Variants in SPATA7 observed in about 807,000 individuals in gnomAD.
The protein encoded by SPATA7 is spermatogenesis associated 7, also known as spermatogenesis-associated protein 7.
Under a neutral mutation model 51.8 loss-of-function variants are expected in SPATA7, and 43 were observed. The observed-to-expected ratio is 0.83, with a 90% CI of 0.65 to 1.07. The LOEUF (loss-of-function observed/expected upper bound fraction) is 1.07, where lower values mean the gene tolerates loss of function less well. Ranked by LOEUF, SPATA7 falls within the 50% of genes least tolerant of loss-of-function variation. The pLI, the probability that SPATA7 is intolerant of heterozygous loss-of-function variation, is 0.00. For synonymous variants in SPATA7, 230 were observed against 252.8 expected (o/e 0.91, Z 0.86); for missense variants, 683 against 701.3 (o/e 0.97, Z 0.30).
chr14:88,388,439 G>C (rs916935858), intron 1 of SPATA7, among the ~76,000 whole-genome samples: 1 of 152,198 alleles, frequency 6.6e-6, no homozygotes, highest in Non-Finnish European at 1.5e-5. Flanking sequence ...CTAATAGTTA[G>C]AGAATGATGT....
In SPATA7 at chr14:88,396,094, A is replaced by T. The variant is rs2075871862; in HGVS notation, c.191-62A>T. 18 of 1,340,026 alleles carry T rather than the reference A, an allele frequency of 1.3e-5. No individual in the cohort carries two copies. In the South Asian group the frequency reaches 2.0e-4, roughly 15 times the overall value. 83.0% of individuals were successfully genotyped at this position (1,340,026 alleles called of 1,614,324 possible). ...GTCTGGAACATTTTGTGATTTCCAC[A>T]TTTGGTATTTGTCATTTATAAATAC... On this transcript the variant is annotated intron_variant, in intron 3 of 11. Coordinates refer to ENST00000393545, the MANE Select transcript of SPATA7 (RefSeq NM_018418.5).
chr14:88,456,064 T>G (rs552725814), downstream of SPATA7, among the ~76,000 whole-genome samples: 636 of 152,288 alleles, frequency 4.2e-3, 1 homozygote, highest in Middle Eastern at 6.8e-3. Flanking sequence ...CTCATCATTT[T>G]TTATGGCTGC....
At chr14:88,418,656 G>A (rs548704136) in intron 5 of SPATA7, among the ~76,000 whole-genome samples, 117 of 151,854 alleles carry the variant, frequency 7.7e-4, no homozygotes, top group Non-Finnish European at 1.3e-3. Flanking sequence ...TGTGTTTTTA[G>A]TAGAGTCTAG....
rs1431289762 is a variant in SPATA7, at chr14:88,438,307, C to G, written c.1685C>G (p.Ser562Ter). ...AATGGATTATGTGGTCTTAACACAT[C>G]ACCCTCCCAATCTGTTCAGTTCTCC... is the stretch of plus-strand genomic sequence containing the variant. ...ISNGLCGLNTSPSQSVQFSSV... is the reference protein window; with the variant it reads ...ISNGLCGLNT Residue 562 changes from serine (S) to a stop codon, truncating the protein, a stop_gained, in exon 12 of 12, where the codon TCA becomes TGA. Transcript: ENST00000393545. LOFTEE classifies it low-confidence loss of function (END_TRUNC). The G allele has an allele frequency of 6.2e-7, 1 of 1,613,816 alleles. No homozygotes were observed. Among genetic ancestry groups the G allele is most frequent in the Admixed American group, 1.7e-5 (1 of 60,018 alleles).
chr14:88,420,036 T>C (rs1176421576), intron 5 of SPATA7, among the ~76,000 whole-genome samples: 1 of 152,002 alleles, frequency 6.6e-6, no homozygotes, highest in East Asian at 1.9e-4. Flanking sequence ...GTGGCAAAAG[T>C]GAAGGGATAT....
At chr14:88,457,882 T>C (rs1332913350), downstream of SPATA7, among the ~76,000 whole-genome samples, 1 of 152,146 alleles carries the variant, frequency 6.6e-6, no homozygotes, top group Non-Finnish European at 1.5e-5. Flanking sequence ...ATAGCTCTTA[T>C]TATTTTGAGA....
intron 8 of SPATA7, among the ~76,000 whole-genome samples, chr14:88,430,097 A>G (rs1284447245): frequency 1.3e-5 from 2 of 152,036 alleles, no homozygotes; most frequent in African/African-American, 4.8e-5. Context: ...TCAGTTGTCA[A>G]ATGTATTTCC....
chr14:88,443,174 A>T (rs1163129688), downstream of SPATA7, among the ~76,000 whole-genome samples: 2 of 151,844 alleles, frequency 1.3e-5, no homozygotes, highest in African/African-American at 4.8e-5. Flanking sequence ...TGAACTCCTG[A>T]CCTCGTGGTC....
rs377274479 is a variant in SPATA7 at position 88,470,098 on chromosome 14, A to T, written c.*231A>T. 2.5e-6 allele frequency: 4 copies of T among 1,574,116 alleles called. No individual in the cohort carries two copies. In the African/African-American group the frequency reaches 4.1e-5, roughly 16 times the overall value. On this transcript the variant is annotated 3_prime_UTR_variant, in exon 5 of 5. Transcript: ENST00000556406. ...AAATTGATGTGTGGGTATAATATAC[A>T]TAGGTATGTATGCATGCATTCATGG...
Position 88,469,684 on chromosome 14 carries a change from C to T in SPATA7, c.255-163C>T. 6.2e-7 allele frequency: 1 copy of T among 1,614,206 alleles called. No homozygotes were observed. Among genetic ancestry groups the T allele is most frequent in the Non-Finnish European group, 8.5e-7 (1 of 1,180,044 alleles). ...CCTTCCATAGGTGACAGTGTTGTGC[C>T]TGGAACCAAGTCGTGGCCAGTACCT... On this transcript the variant is annotated intron_variant, in intron 4 of 4. Coordinates refer to the SPATA7 transcript ENST00000556406. The surrounding 1 kb of genome is among the most constrained non-coding windows in gnomAD (Gnocchi z 4.3).
In SPATA7 at chr14:88,468,300, T is replaced by TC. The variant is rs771074414; in HGVS notation, c.255-1547_255-1546insC. 7 of 1,558,670 alleles carry TC rather than the reference T, an allele frequency of 4.5e-6. No individual in the cohort carries two copies. The South Asian group carries it at 8.3e-5, about 18-fold the overall frequency. ...GAGAAACGGTAATGAAGATAATGTG[T>TC]TCCCCTGGGGAGACAGAAAGGATGG... On this transcript the variant is annotated intron_variant, in intron 4 of 4. Coordinates refer to the SPATA7 transcript ENST00000556406.
chr14:88,427,997 G>A (rs2076842017), intron 7 of SPATA7: 1 of 234,948 alleles, frequency 4.3e-6, no homozygotes, highest in Admixed American at 5.1e-5. Context: ...TGTTTTCAAA[G>A]ATGCAGACCT....
intron 5 of SPATA7, among the ~76,000 whole-genome samples, chr14:88,422,125 A>G (rs2076663360): frequency 6.6e-6 from 1 of 152,106 alleles, no homozygotes; most frequent in African/African-American, 2.4e-5. Flanking sequence ...GCTGGAGGTA[A>G]TAAGAGATAG....
chr14:88,439,929 G>T (rs1027673522), downstream of SPATA7, among the ~76,000 whole-genome samples: 1 of 152,004 alleles, frequency 6.6e-6, no homozygotes, highest in Non-Finnish European at 1.5e-5. Context: ...CTTTAACCCT[G>T]TAAGCAACAC....
intron 5 of SPATA7, among the ~76,000 whole-genome samples, chr14:88,422,425 T>C (rs1444168928): frequency 6.6e-6 from 1 of 152,130 alleles, no homozygotes. Flanking sequence ...TGTATTTTCA[T>C]TTTTAGTGAT....
chr14:88,446,977 A>T (rs1191306744), intron 3 of SPATA7, among the ~76,000 whole-genome samples: 2 of 152,028 alleles, frequency 1.3e-5, no homozygotes, highest in East Asian at 3.9e-4. Flanking sequence ...TGGGGTGAAG[A>T]GTTCTGTAGA....
chr14:88,451,392 C>T (rs921709459), intron 3 of SPATA7, among the ~76,000 whole-genome samples: 7 of 152,072 alleles, frequency 4.6e-5, no homozygotes, highest in African/African-American at 1.7e-4. Context: ...TGGTTTTGAA[C>T]TCCTGACCTC....
chr14:88,451,526 CTT>C (rs58581785), intron 3 of SPATA7, among the ~76,000 whole-genome samples: 4,350 of 141,244 alleles, frequency 0.031, 202 homozygotes, highest in African/African-American at 0.11. Context: ...TATCCTATAT[CTT>C]TTTTTTTTTT....
At chr14:88,465,037 A>G (rs1054940988) in intron 4 of SPATA7, among the ~76,000 whole-genome samples, 2 of 152,170 alleles carry the variant, frequency 1.3e-5, no homozygotes, top group African/African-American at 4.8e-5. Flanking sequence ...GGACGTTTCT[A>G]AGGAAGCACA....
Sources: gnomAD v4.1 joint callset for allele counts (sites outside exome capture counted in the v4.1 genomes callset) on GRCh38, gnomAD v4.1.1 for gene constraint, Gnocchi (gnomAD v3.1) non-coding constraint, MANE v1.5 for transcripts, NCBI Gene and HGNC (gene_info 2026-07-23, HGNC 2026-07-21) for gene names.